Variants in MSRA observed in about 807,000 individuals in gnomAD.
The protein encoded by MSRA is methionine sulfoxide reductase A, also known as mitochondrial peptide methionine sulfoxide reductase.
In MSRA, 54 loss-of-function variants were observed where a neutral mutation model predicts 31.3. That is an observed-to-expected ratio of 1.73 (90% CI 1.39 to 2.17). The LOEUF (loss-of-function observed/expected upper bound fraction) is 2.17, where lower values mean the gene tolerates loss of function less well. Ranked by LOEUF, MSRA falls within the 30% of genes most tolerant of loss-of-function variation. MSRA has a pLI of 0.00. For synonymous variants in MSRA, 169 were observed against 116.5 expected, an observed-to-expected ratio of 1.45 and a Z score of -2.90; for missense variants, 507 against 300.9, an observed-to-expected ratio of 1.69 and a Z score of -5.07.
chr8:10,228,950 T>C lies in MSRA; in HGVS notation c.212-16154T>C, dbSNP rs575039512. On this transcript the variant is annotated intron_variant, in intron 2 of 5. Coordinates refer to ENST00000317173, the MANE Select transcript of MSRA (RefSeq NM_012331.5). ...TACTTGCTGTTTGTAGGGAAAATTT[T>C]ATTTACTCACTGATCACAATTGTAA... 1.5e-3 allele frequency among the ~76,000 whole-genome samples: 222 copies of C among 152,326 alleles called. 3 individuals are homozygous for C. Among genetic ancestry groups the C allele is most frequent in the Non-Finnish European group, 6.5e-4 (44 of 68,030 alleles).
chr8:10,410,081 C>T (rs1808063447), intron 5 of MSRA, among the ~76,000 whole-genome samples: 1 of 152,174 alleles, frequency 6.6e-6, no homozygotes, highest in African/African-American at 2.4e-5. Context: ...GATATTTCTT[C>T]GTAGAGCAAG....
intron 2 of MSRA, among the ~76,000 whole-genome samples, chr8:10,233,001 C>G (rs1244448245): frequency 6.6e-6 from 1 of 152,056 alleles, no homozygotes; most frequent in Non-Finnish European, 1.5e-5. Flanking sequence ...TCAGAAGTTC[C>G]TAGGGGAGGT....
chr8:10,120,956 A>G (rs540275544), intron 1 of MSRA, among the ~76,000 whole-genome samples: 2 of 152,382 alleles, frequency 1.3e-5, no homozygotes, highest in South Asian at 4.1e-4. Flanking sequence ...ATACAATTTA[A>G]TTACGTTTTA....
chr8:10,147,821 C>T (rs138395415), intron 1 of MSRA, among the ~76,000 whole-genome samples: 10 of 152,372 alleles, frequency 6.6e-5, no homozygotes, highest in African/African-American at 1.9e-4. Context: ...GTCACCGTTT[C>T]TCTGGACTGT....
intron 2 of MSRA, among the ~76,000 whole-genome samples, chr8:10,236,619 G>C (rs944003900): frequency 6.6e-6 from 1 of 152,090 alleles, no homozygotes; most frequent in African/African-American, 2.4e-5. Flanking sequence ...ATCTCAGCTC[G>C]CTGCAACCTC....
chr8:10,256,301 G>T (rs1419934102), intron 3 of MSRA, among the ~76,000 whole-genome samples: 1 of 152,168 alleles, frequency 6.6e-6, no homozygotes, highest in Non-Finnish European at 1.5e-5. Context: ...GGCTTGGTAG[G>T]TCATTTCTTT....
chr8:10,139,650 A>G (rs142456568), intron 1 of MSRA, among the ~76,000 whole-genome samples: 5 of 152,250 alleles, frequency 3.3e-5, no homozygotes, highest in African/African-American at 1.2e-4. Context: ...ATTTCACTTA[A>G]GATAATGGCC....
chr8:10,320,428 A>C (rs1408153071), intron 5 of MSRA: 1 of 153,398 alleles, frequency 6.5e-6, no homozygotes, highest in Non-Finnish European at 1.5e-5. Flanking sequence ...TGATTGCACC[A>C]CTGCACTTCA....
intron 2 of MSRA, among the ~76,000 whole-genome samples, chr8:10,225,209 T>C (rs1810887852): frequency 6.6e-6 from 1 of 152,206 alleles, no homozygotes; most frequent in South Asian, 2.1e-4. Context: ...TCTCATCCCT[T>C]ACTCTAACCA....
chr8:10,411,538 C>T (rs1487047966), intron 5 of MSRA: 1 of 151,932 alleles, frequency 6.6e-6, no homozygotes, highest in Non-Finnish European at 1.5e-5. Context: ...TTAGCTTCAG[C>T]CAATATAGTG....
intron 1 of MSRA, among the ~76,000 whole-genome samples, chr8:10,082,765 T>C (rs990715961): frequency 6.6e-6 from 1 of 152,128 alleles, no homozygotes; most frequent in Admixed American, 6.5e-5. Context: ...CACACGGTTG[T>C]GTGGTTGTGT....
chr8:10,368,882 A>C (rs80293011), intron 5 of MSRA, among the ~76,000 whole-genome samples: 55 of 152,228 alleles, frequency 3.6e-4, no homozygotes, highest in African/African-American at 1.3e-3. Flanking sequence ...TGCTAATCTA[A>C]CAGCCAGAAA....
Position 10,350,705 on chromosome 8 carries a change from G to C in MSRA, c.543+30716G>C, listed in dbSNP as rs75028062. 6.6e-3 allele frequency among the ~76,000 whole-genome samples: 1,000 copies of C among 152,328 alleles called. 8 individuals carry two copies. The highest frequency in any genetic ancestry group is 0.022 in the African/African-American group (909 of 41,568). ...GCCCTGTATCTCTGGCCTGGGCACC[G>C]TGGCTCCTTGCCAAGGCCGGCAACC... On this transcript the variant is annotated intron_variant, in intron 5 of 5. Transcript: ENST00000317173.
chr8:10,115,348 A>C (rs902398297), intron 1 of MSRA, among the ~76,000 whole-genome samples: 9 of 152,202 alleles, frequency 5.9e-5, no homozygotes, highest in African/African-American at 2.2e-4. Flanking sequence ...GAAGACTTGG[A>C]CAGAGCTGGC....
chr8:10,387,273 A>G (rs1349250358), intron 5 of MSRA, among the ~76,000 whole-genome samples: 1 of 152,258 alleles, frequency 6.6e-6, no homozygotes, highest in Non-Finnish European at 1.5e-5. Context: ...TCAAGGAAGC[A>G]GGTAAAACAG....
intron 5 of MSRA, among the ~76,000 whole-genome samples, chr8:10,350,281 C>T (rs1272349136): frequency 6.6e-6 from 1 of 152,260 alleles, no homozygotes; most frequent in Non-Finnish European, 1.5e-5. Context: ...CTTTGAGAAA[C>T]TTTCTGTTTT....
chr8:10,289,562 T>A (rs1368521034), intron 3 of MSRA, among the ~76,000 whole-genome samples: 2 of 152,174 alleles, frequency 1.3e-5, no homozygotes, highest in Admixed American at 1.3e-4. Flanking sequence ...ACAGTTAAAT[T>A]ATTGACTATA....
intron 5 of MSRA, among the ~76,000 whole-genome samples, chr8:10,405,545 ACTTTC>A (rs1462403563): frequency 6.6e-6 from 1 of 152,088 alleles, no homozygotes; most frequent in Admixed American, 6.5e-5. Flanking sequence ...CTCAGCTGTC[ACTTTC>A]CTTTCTCTGG....
chr8:10,220,512 C>T (rs1810395841), intron 2 of MSRA, among the ~76,000 whole-genome samples: 1 of 152,218 alleles, frequency 6.6e-6, no homozygotes, highest in Non-Finnish European at 1.5e-5. Context: ...GGTGAATCAG[C>T]ACTGTGTTTT....
Sources: gnomAD v4.1 joint callset for allele counts (sites outside exome capture counted in the v4.1 genomes callset) on GRCh38, gnomAD v4.1.1 for gene constraint, MANE v1.5 for transcripts, NCBI Gene and HGNC (gene_info 2026-07-23, HGNC 2026-07-21) for gene names.